Variants in HMGXB3 observed in about 807,000 individuals in gnomAD.
HMGXB3 encodes HMG domain-containing protein 3.
Under a neutral mutation model 121.5 loss-of-function variants are expected in HMGXB3, and 45 were observed. The observed-to-expected ratio is 0.37, with a 90% CI of 0.29 to 0.47. The LOEUF is 0.47. HMGXB3 is among the 20% of genes least tolerant of loss of function. The probability of loss-of-function intolerance (pLI) is 0.99; values close to 1 mark genes in which losing one functional copy is unlikely to be tolerated. For synonymous variants in HMGXB3, 590 were observed against 624.1 expected (o/e 0.95, Z 0.81); for missense variants, 1,376 against 1,602.2 (o/e 0.86, Z 2.41).
chr5:150,020,117 T>C (rs1756052934), intron 6 of HMGXB3, among the ~76,000 whole-genome samples: 1 of 152,228 alleles, frequency 6.6e-6, no homozygotes, highest in South Asian at 2.1e-4. Context: ...AATAAGATTA[T>C]CCATATAGAC....
intron 5 of HMGXB3, among the ~76,000 whole-genome samples, chr5:150,016,491 G>A (rs984876373): frequency 6.6e-6 from 1 of 151,982 alleles, no homozygotes; most frequent in African/African-American, 2.4e-5. Flanking sequence ...TTGATAAATT[G>A]GCCCCTTTGT....
At chr5:150,035,064 A>T (rs1180768990) in intron 11 of HMGXB3, among the ~76,000 whole-genome samples, 8 of 152,332 alleles carry the variant, frequency 5.3e-5, no homozygotes, top group Admixed American at 5.2e-4. Context: ...AGTGGGAGAG[A>T]AAGATAACCA....
At position 150,004,886 on chromosome 5, in the gene HMGXB3, G is replaced by C. The variant is rs1165200238; in HGVS notation, c.34G>C (p.Val12Leu). The stretch of plus-strand genomic sequence containing the variant: ...ATCATATGATGGTACTGAGGTAACT[G>C]TCGTGATGGAGGAAATTGAGGAAGC... ...DASYDGTEVT[V>L]VMEEIEEAYC... Residue 12 changes from valine (V) to leucine (L), a missense_variant, in exon 2 of 20, where the codon GTC (valine) becomes CTC (leucine). By Grantham distance (32) the Val-to-Leu change is conservative (BLOSUM62 1). Coordinates refer to ENST00000502717, the MANE Select transcript of HMGXB3 (RefSeq NM_014983.3). 34 of 1,551,578 alleles carry C rather than the reference G, an allele frequency of 2.2e-5. No homozygotes were observed. The highest frequency in any genetic ancestry group is 2.6e-5 in the Non-Finnish European group (30 of 1,146,942).
Position 150,024,622 on chromosome 5 carries a change from A to G in HMGXB3, c.1402A>G (p.Thr468Ala). Residue 468 changes from threonine (T) to alanine (A), a missense_variant, in exon 7 of 20, where the codon ACA becomes GCA. Transcript: ENST00000502717. The stretch of plus-strand genomic sequence containing the variant: ...TGACAGTCCTGGAGCAGACGTACCA[A>G]CACCATCCGAGGGGACAAGTACCTC... ...DNDSPGADVPTPSEGTSTSSP... is the reference protein window; with the variant it reads ...DNDSPGADVPAPSEGTSTSSP... 6.4e-7 allele frequency: 1 copy of G among 1,551,748 alleles called. No homozygotes were observed.
chr5:150,022,113 TTGTTAG>T (rs1581253421), intron 6 of HMGXB3, among the ~76,000 whole-genome samples: 1 of 152,198 alleles, frequency 6.6e-6, no homozygotes, highest in Non-Finnish European at 1.5e-5. Flanking sequence ...TCATCAGCTA[TTGTTAG>T]TGTTAGTGTA....
chr5:150,027,536 A>G (rs1756262631), intron 9 of HMGXB3, among the ~76,000 whole-genome samples: 1 of 150,918 alleles, frequency 6.6e-6, no homozygotes, highest in Non-Finnish European at 1.5e-5. Flanking sequence ...TTGTTTGTGT[A>G]TTTCATAAGA....
chr5:150,043,326 C>T (rs545473705), intron 15 of HMGXB3, among the ~76,000 whole-genome samples: 6 of 152,308 alleles, frequency 3.9e-5, no homozygotes, highest in South Asian at 4.1e-4. Flanking sequence ...GCAGGGACTG[C>T]GCCTTGAATA....
At chr5:150,039,853 A>G (rs1252069080) in intron 13 of HMGXB3, among the ~76,000 whole-genome samples, 2 of 152,226 alleles carry the variant, frequency 1.3e-5, no homozygotes, top group Non-Finnish European at 2.9e-5. Context: ...CTTCACTGGG[A>G]ACACATACTC....
intron 3 of HMGXB3, among the ~76,000 whole-genome samples, chr5:150,009,002 T>G (rs1755770388): frequency 6.6e-6 from 1 of 152,244 alleles, no homozygotes; most frequent in Non-Finnish European, 1.5e-5. Context: ...CCTTTTGTAG[T>G]TGACTTTAGT....
intron 11 of HMGXB3, among the ~76,000 whole-genome samples, chr5:150,035,534 A>G (rs1387648636): frequency 6.6e-6 from 1 of 152,200 alleles, no homozygotes; most frequent in African/African-American, 2.4e-5. Flanking sequence ...AGCCATGTAT[A>G]ATATGTCCAT....
chr5:150,012,902 C>G (rs527329889), intron 5 of HMGXB3, among the ~76,000 whole-genome samples: 2 of 152,276 alleles, frequency 1.3e-5, no homozygotes, highest in Admixed American at 1.3e-4. Flanking sequence ...TTGCCTACAA[C>G]TAGTATATCG....
At chr5:150,036,556 C>T in intron 11 of HMGXB3, 80 bp from the exon 12 acceptor site, 6 of 1,310,398 alleles carry the variant, frequency 4.6e-6, no homozygotes, top group Non-Finnish European at 6.2e-6. Flanking sequence ...CTGTCTGCTG[C>T]TCCCAGACTT....
At chr5:150,051,527 A>G (rs1018200910) in intron 19 of HMGXB3, among the ~76,000 whole-genome samples, 198 bp from the exon 20 acceptor site, 16 of 152,128 alleles carry the variant, frequency 1.1e-4, no homozygotes, top group Non-Finnish European at 2.1e-4. Context: ...TCTGTTCTGG[A>G]AGGTGGCCAC....
chr5:150,025,773 A>G (rs575029083), intron 7 of HMGXB3, among the ~76,000 whole-genome samples: 1 of 150,094 alleles, frequency 6.7e-6, no homozygotes, highest in Non-Finnish European at 1.5e-5. Flanking sequence ...GGGTTTTGCC[A>G]TGTTGCCCAG....
At chr5:150,008,100 A>ACACACAC (rs1561849315) in intron 3 of HMGXB3, among the ~76,000 whole-genome samples, 3 of 133,222 alleles carry the variant, frequency 2.3e-5, no homozygotes, top group African/African-American at 8.8e-5. Flanking sequence ...CACACACACA[A>ACACACAC]ATCAGCAATC....
Position 150,000,918 on chromosome 5 carries a change from C to T in HMGXB3, c.-264C>T, listed in dbSNP as rs974682261. On this transcript the variant is annotated 5_prime_UTR_variant, in exon 1 of 20. Transcript: ENST00000502717. Reference sequence around the variant, plus strand: ...ATTCTTGCCCTTCAGGACCCCATATCGCGACTCCGAGGAGGGGAAGCGAGA... The same window carrying T: ...ATTCTTGCCCTTCAGGACCCCATATTGCGACTCCGAGGAGGGGAAGCGAGA... 1 of 154,888 alleles carries T rather than the reference C, an allele frequency of 6.5e-6. No individual in the cohort carries two copies. The highest frequency in any genetic ancestry group is 6.5e-5 in the Admixed American group (1 of 15,308). The allele number at this position is 154,888 out of a possible 1,614,324, so 9.6% of individuals were successfully genotyped here. A position where few individuals can be genotyped will look rare whatever the true frequency, so the allele number is the denominator to read the frequency against.
At chr5:150,029,742 T>G (rs1369653844) in intron 9 of HMGXB3, among the ~76,000 whole-genome samples, 3 of 152,232 alleles carry the variant, frequency 2.0e-5, no homozygotes, top group Non-Finnish European at 2.9e-5. Context: ...TGTCATGTGT[T>G]CTTTGTCAGT....
chr5:150,048,773 C>T, intron 18 of HMGXB3, 88 bp downstream of exon 18: 1 of 1,016,366 alleles, frequency 9.8e-7, no homozygotes, highest in Non-Finnish European at 1.5e-6. Context: ...TTTTGGGGGG[C>T]TAGACTTAGG....
chr5:150,006,363 C>T, intron 2 of HMGXB3, 110 bp from the exon 3 acceptor site: 1 of 845,898 alleles, frequency 1.2e-6, no homozygotes, highest in Non-Finnish European at 1.8e-6. Context: ...CATAGTAGTA[C>T]TTACTGGTTG....
Sources: allele counts gnomAD v4.1 joint callset (sites outside exome capture counted in the v4.1 genomes callset), GRCh38; gene constraint gnomAD v4.1.1; transcripts MANE v1.5; gene names NCBI Gene and HGNC (gene_info 2026-07-23, HGNC 2026-07-21).